The following WWOX variants were observed in gnomAD, a reference collection of about 807,000 sequenced individuals.
The protein encoded by WWOX is WW domain containing oxidoreductase.
In WWOX, 69 loss-of-function variants were observed where a neutral mutation model predicts 46.2. That is an observed-to-expected ratio of 1.49 (90% CI 1.23 to 1.82). The LOEUF (loss-of-function observed/expected upper bound fraction) is 1.82. WWOX is among the 40% of genes most tolerant of loss of function. WWOX has a pLI of 0.00. For missense variants in WWOX, 919 were observed against 542.6 expected (o/e 1.69, Z -6.89); for synonymous variants, 359 against 202.6 (o/e 1.77, Z -6.56).
At chr16:78,727,778 G>C (rs1252783252) in intron 8 of WWOX, among the ~76,000 whole-genome samples, 2 of 152,078 alleles carry the variant, frequency 1.3e-5, no homozygotes, top group Non-Finnish European at 2.9e-5. Flanking sequence ...TTGTCTCCCT[G>C]GTGGTGAGAC....
intron 8 of WWOX, among the ~76,000 whole-genome samples, chr16:79,148,919 G>A (rs577272843): frequency 7.2e-4 from 110 of 151,976 alleles, no homozygotes; most frequent in African/African-American, 2.6e-3. Flanking sequence ...TTTTATTTTT[G>A]TTTGTATTTG....
intron 8 of WWOX, among the ~76,000 whole-genome samples, chr16:78,471,832 G>C (rs984832782): frequency 3.2e-4 from 48 of 152,072 alleles, no homozygotes; most frequent in Non-Finnish European, 2.8e-4. Context: ...GTAGATTTAT[G>C]TACACATTAA....
chr16:78,377,690 T>G (rs888844226), intron 5 of WWOX, among the ~76,000 whole-genome samples: 1 of 152,214 alleles, frequency 6.6e-6, no homozygotes, highest in African/African-American at 2.4e-5. Context: ...TTGGATTATT[T>G]TCGCTCTCTT....
intron 8 of WWOX, among the ~76,000 whole-genome samples, chr16:79,045,315 G>T (rs112125403): frequency 7.9e-5 from 12 of 152,170 alleles, no homozygotes; most frequent in Admixed American, 7.9e-4. Context: ...GACCTACATG[G>T]AAATGCAGGC....
At chr16:78,946,005 C>A (rs555947233) in intron 8 of WWOX, among the ~76,000 whole-genome samples, 26 of 152,224 alleles carry the variant, frequency 1.7e-4, no homozygotes, top group Admixed American at 4.6e-4. Flanking sequence ...GCCGGGCAAC[C>A]CAAAAGAGCC....
intron 5 of WWOX, among the ~76,000 whole-genome samples, chr16:78,270,768 T>C (rs887250195): frequency 1.3e-5 from 2 of 152,096 alleles, no homozygotes; most frequent in Non-Finnish European, 2.9e-5. Context: ...GAACCAATTA[T>C]GGCCCAAAGG....
At chr16:78,654,662 T>C (rs2047041259) in intron 8 of WWOX, among the ~76,000 whole-genome samples, 1 of 152,202 alleles carries the variant, frequency 6.6e-6, no homozygotes, top group African/African-American at 2.4e-5. Context: ...TCTCTCTGTG[T>C]GTATGTGTGT....
At chr16:78,743,218 G>A (rs138597776) in intron 8 of WWOX, among the ~76,000 whole-genome samples, 362 of 152,256 alleles carry the variant, frequency 2.4e-3, no homozygotes, top group African/African-American at 8.3e-3. Context: ...GCACTGGAGA[G>A]CAAAAGCCAT....
At chr16:78,633,063 G>C (rs1421592887) in intron 8 of WWOX, among the ~76,000 whole-genome samples, 1 of 152,054 alleles carries the variant, frequency 6.6e-6, no homozygotes, top group African/African-American at 2.4e-5. Flanking sequence ...AGGAGTTTGA[G>C]AGCAATCTGG....
chr16:78,980,748 C>G (rs2046664634), intron 8 of WWOX, among the ~76,000 whole-genome samples: 1 of 152,136 alleles, frequency 6.6e-6, no homozygotes, highest in Non-Finnish European at 1.5e-5. Context: ...TAGCTACTAC[C>G]TTTCTTACTT....
chr16:78,291,034 G>C (rs2079849168), intron 5 of WWOX, among the ~76,000 whole-genome samples: 1 of 152,114 alleles, frequency 6.6e-6, no homozygotes, highest in Non-Finnish European at 1.5e-5. Flanking sequence ...ACTTAGGCTG[G>C]TGTTAGGATG....
rs1193432164 is a variant in WWOX, at chr16:78,345,639, CAAAAAAAAA to C, written c.517-41205_517-41197del. Reference sequence around the variant, plus strand: ...TGGGTGGCAGAGCAAGACCCTGTCTCAAAAAAAAAAAAAAAAAAAAAAAAGTAAAATAAA... The same window carrying C: ...TGGGTGGCAGAGCAAGACCCTGTCTCAAAAAAAAAAAAAAAGTAAAATAAA... On this transcript the variant is annotated intron_variant, in intron 5 of 8. Transcript: ENST00000566780. Among the ~76,000 whole-genome samples the C allele has an allele frequency of 2.4e-4, 6 of 25,016 alleles. 2 individuals carry two copies. The highest frequency in any genetic ancestry group is 6.8e-4 in the African/African-American group (6 of 8,848). 16.4% of individuals were successfully genotyped at this position (25,016 alleles called of 152,430 possible).
intron 5 of WWOX, among the ~76,000 whole-genome samples, chr16:78,316,152 G>A (rs545757403): frequency 3.3e-5 from 5 of 152,170 alleles, no homozygotes; most frequent in African/African-American, 1.2e-4. Flanking sequence ...GGCTGGGTCA[G>A]GAGAATCGCC....
intron 8 of WWOX, among the ~76,000 whole-genome samples, chr16:78,867,035 G>C (rs974287664): frequency 2.6e-5 from 4 of 152,212 alleles, no homozygotes; most frequent in African/African-American, 7.2e-5. Context: ...AGTCCTTCTT[G>C]ACTTTGTGGA....
intron 8 of WWOX, among the ~76,000 whole-genome samples, chr16:78,689,289 C>T (rs2047932792): frequency 6.6e-6 from 1 of 152,226 alleles, no homozygotes; most frequent in African/African-American, 2.4e-5. Context: ...CACATGCTGT[C>T]TGCACGCCTT....
In WWOX at chr16:78,643,325, A is replaced by G. The variant is rs145991277; in HGVS notation, c.1056+210573A>G. On this transcript the variant is annotated intron_variant, in intron 8 of 8. Coordinates refer to ENST00000566780, the MANE Select transcript of WWOX (RefSeq NM_016373.4). ...AACGAAAACAACAAAATCAACCGTG[A>G]CAAGGTTTTATTAGTAATGAAACTG... 6.6e-5 allele frequency among the ~76,000 whole-genome samples: 10 copies of G among 152,310 alleles called. No homozygotes were observed. The East Asian group carries it at 1.7e-3, about 26-fold the overall frequency.
chr16:78,207,063 G>A (rs1251699789), intron 5 of WWOX, among the ~76,000 whole-genome samples: 6 of 152,148 alleles, frequency 3.9e-5, no homozygotes, highest in African/African-American at 1.4e-4. Context: ...GGGCCAGAGG[G>A]CTAAGGAAAG....
chr16:78,315,414 C>G (rs1378727429), intron 5 of WWOX, among the ~76,000 whole-genome samples: 1 of 152,134 alleles, frequency 6.6e-6, no homozygotes, highest in South Asian at 2.1e-4. Flanking sequence ...TTGGGGAGGC[C>G]AAGGCCGGCG....
intron 8 of WWOX, among the ~76,000 whole-genome samples, chr16:79,070,562 G>C (rs927249162): frequency 2.0e-5 from 3 of 152,196 alleles, no homozygotes; most frequent in Non-Finnish European, 2.9e-5. Flanking sequence ...TTGGCAATGA[G>C]TGAGGCAGAC....
Sources: gnomAD v4.1 joint callset for allele counts (sites outside exome capture counted in the v4.1 genomes callset) on GRCh38, gnomAD v4.1.1 for gene constraint, MANE v1.5 for transcripts, NCBI Gene and HGNC (gene_info 2026-07-23, HGNC 2026-07-21) for gene names.